Variants in SLC17A5 observed in about 807,000 individuals in gnomAD.
The protein encoded by SLC17A5 is solute carrier family 17 member 5, also known as sialin.
Under a neutral mutation model 59.4 loss-of-function variants are expected in SLC17A5, and 47 were observed. The observed-to-expected ratio is 0.79, with a 90% confidence interval of 0.63 to 1.01. The LOEUF is 1.01. Among genes scored for constraint, SLC17A5 ranks in the 50% least tolerant of loss-of-function variants. The pLI is 0.00. For missense variants in SLC17A5, 522 were observed against 595.5 expected (o/e 0.88, Z 1.28); for synonymous variants, 202 against 210.7 (o/e 0.96, Z 0.36).
chr6:73,637,905 C>T (rs1369088997), intron 4 of SLC17A5, among the ~76,000 whole-genome samples: 2 of 152,064 alleles, frequency 1.3e-5, no homozygotes, highest in Non-Finnish European at 2.9e-5. Context: ...TGTTATCTCA[C>T]CTGTAGATCA....
chr6:73,596,533 CAG>C (rs1316283895), intron 10 of SLC17A5, among the ~76,000 whole-genome samples: 2 of 152,154 alleles, frequency 1.3e-5, no homozygotes, highest in African/African-American at 4.8e-5. Flanking sequence ...TCAGTCTAAC[CAG>C]AGTGGTGACT....
chr6:73,625,440 G>A (rs1768365967), intron 6 of SLC17A5, among the ~76,000 whole-genome samples: 1 of 152,098 alleles, frequency 6.6e-6, no homozygotes, highest in Admixed American at 6.6e-5. Flanking sequence ...GCTAGCCTCG[G>A]TCTCCCAAAG....
intron 2 of SLC17A5, among the ~76,000 whole-genome samples, chr6:73,644,024 C>T (rs528362391): frequency 6.6e-6 from 1 of 152,142 alleles, no homozygotes; most frequent in South Asian, 2.1e-4. Context: ...CTGAGATTAC[C>T]TAAACTCTCT....
chr6:73,641,814 C>A lies in SLC17A5; in HGVS notation c.402G>T (p.Gly134=). The change falls in exon 3 of 11, where the codon GGG becomes GGT. Residue 134 remains glycine, a synonymous_variant. Transcript: ENST00000355773. ...IPGGYVASKI[G]GKMLLGFGIL... The stretch of plus-strand genomic sequence containing the variant: ...TCCCAAATCCTAGCAGCATTTTCCC[C>A]CCTATTTTGCTGGCAACATATCCTC... 1 of 1,614,154 alleles carries A rather than the reference C, an allele frequency of 6.2e-7. No homozygotes were observed. Among genetic ancestry groups the A allele is most frequent in the Non-Finnish European group, 8.5e-7 (1 of 1,180,034 alleles).
In SLC17A5 at chr6:73,615,880, C is replaced by CTTT. The variant is rs71674685; in HGVS notation, c.979-436_979-434dup. ...CATAAACATAGCTTAATGAATCATT[C>CTTT]TTTTTTTTTTTTTTTTTTTTTTTGA... is the stretch of plus-strand genomic sequence containing the variant. On this transcript the variant is annotated intron_variant, in intron 7 of 10. Transcript: ENST00000355773. Among the ~76,000 whole-genome samples the CTTT allele has an allele frequency of 8.2e-3, 796 of 97,476 alleles. 3 individuals carry two copies. The highest frequency in any genetic ancestry group is 0.011 in the Non-Finnish European group (550 of 48,134). 63.9% of individuals were successfully genotyped at this position (97,476 alleles called of 152,430 possible).
intron 7 of SLC17A5, 105 bp downstream of exon 7, chr6:73,621,699 G>C: frequency 1.1e-6 from 1 of 943,124 alleles, no homozygotes. Context: ...GGACAGCAGA[G>C]TAAAATGGAA....
chr6:73,650,507 CAAAAAAAAAAAAAA>C (rs999445559), intron 1 of SLC17A5, among the ~76,000 whole-genome samples: 14 of 35,564 alleles, frequency 3.9e-4, no homozygotes, highest in South Asian at 1.0e-3. Context: ...GACTCCGTCT[CAAAAAAAAAAAAAA>C]AAAAAAAAAA....
At chr6:73,647,838 C>G (rs186386892) in intron 1 of SLC17A5, among the ~76,000 whole-genome samples, 2 of 152,188 alleles carry the variant, frequency 1.3e-5, no homozygotes, top group African/African-American at 4.8e-5. Flanking sequence ...GAGGACGAAG[C>G]GGGTGGATCA....
At chr6:73,623,992 C>T (rs1184283021) in intron 6 of SLC17A5, among the ~76,000 whole-genome samples, 2 of 152,184 alleles carry the variant, frequency 1.3e-5, no homozygotes, top group South Asian at 2.1e-4. Flanking sequence ...CCACCGTACC[C>T]GGCTGAGCTG....
chr6:73,602,956 T>C (rs1278304153), intron 9 of SLC17A5, among the ~76,000 whole-genome samples: 2 of 152,084 alleles, frequency 1.3e-5, no homozygotes, highest in African/African-American at 2.4e-5. Flanking sequence ...TAATTAATTT[T>C]TGAAAATTAA....
At chr6:73,606,284 C>G (rs1767387797) in intron 9 of SLC17A5, among the ~76,000 whole-genome samples, 1 of 152,048 alleles carries the variant, frequency 6.6e-6, no homozygotes, top group Non-Finnish European at 1.5e-5. Context: ...CTCAAACGAT[C>G]CAACCGCCTC....
intron 1 of SLC17A5, among the ~76,000 whole-genome samples, chr6:73,651,670 A>G (rs1017247630): frequency 5.3e-5 from 8 of 150,932 alleles, no homozygotes; most frequent in Admixed American, 1.3e-4. Context: ...AGCCTCCCGA[A>G]TAGCTGGGAC....
chr6:73,614,818 C>T (rs78429361), intron 8 of SLC17A5, among the ~76,000 whole-genome samples: 210 of 152,306 alleles, frequency 1.4e-3, no homozygotes, highest in African/African-American at 4.9e-3. Context: ...CCCTATGCAG[C>T]TTTTCCATCT....
At position 73,651,611 on chromosome 6, in the gene SLC17A5, C is replaced by T. The variant is rs899019941; in HGVS notation, c.94+2182G>A. ...AGGCTGGAGTGCAGGGGCGTGATCTCGGCTCACTGCAAGCTCCGCCTCCCA... is the reference window on the plus strand; with the variant it reads ...AGGCTGGAGTGCAGGGGCGTGATCTTGGCTCACTGCAAGCTCCGCCTCCCA... On this transcript the variant is annotated intron_variant, in intron 1 of 10. Coordinates refer to ENST00000355773, the MANE Select transcript of SLC17A5 (RefSeq NM_012434.5). Among the ~76,000 whole-genome samples the T allele has an allele frequency of 1.6e-4, 25 of 151,532 alleles. 1 individual carries two copies. The highest frequency in any genetic ancestry group is 5.8e-4 in the African/African-American group (24 of 41,338).
In SLC17A5 at chr6:73,595,183, T is replaced by C; in HGVS notation, c.1382A>G (p.Tyr461Cys). The C allele has an allele frequency of 6.2e-7, 1 of 1,614,108 alleles. No individual in the cohort carries two copies. The highest frequency in any genetic ancestry group is 8.5e-7 in the Non-Finnish European group (1 of 1,180,012). Residue 461 changes from tyrosine (Y) to cysteine (C), a missense_variant, in exon 11 of 11, where the codon TAT becomes TGT. By Grantham distance (194) the Tyr-to-Cys change is radical (BLOSUM62 -2). Transcript: ENST00000355773. The stretch of plus-strand genomic sequence containing the variant: ...AAAAACATTAATAGCAGCAGCAATA[T>C]AGAACACGGTTTGCCATTCTCCAAC... ...NTVGEWQTVF[Y>C]IAAAINVFGA...
At chr6:73,619,184 G>GC (rs1165641863) in intron 7 of SLC17A5, among the ~76,000 whole-genome samples, 2 of 152,214 alleles carry the variant, frequency 1.3e-5, no homozygotes, top group African/African-American at 4.8e-5. Flanking sequence ...GGATTATGGT[G>GC]CCCCCCAACA....
At chr6:73,599,706 G>A (rs1766969458) in intron 10 of SLC17A5, among the ~76,000 whole-genome samples, 1 of 152,196 alleles carries the variant, frequency 6.6e-6, no homozygotes, top group African/African-American at 2.4e-5. Flanking sequence ...AATTAGAAAT[G>A]GTAGATGTGG....
chr6:73,600,186 C>A (rs557050590), intron 10 of SLC17A5, among the ~76,000 whole-genome samples, 165 bp downstream of exon 10: 1 of 152,290 alleles, frequency 6.6e-6, no homozygotes, highest in East Asian at 1.9e-4. Context: ...AAAAACTGTT[C>A]TTTGAAAATA....
intron 9 of SLC17A5, among the ~76,000 whole-genome samples, chr6:73,603,998 T>C (rs776366792): frequency 2.0e-5 from 3 of 152,092 alleles, no homozygotes; most frequent in Non-Finnish European, 2.9e-5. Flanking sequence ...AATTCAGTTA[T>C]GTATAAAGAT....
Sources: allele counts gnomAD v4.1 joint callset (sites outside exome capture counted in the v4.1 genomes callset), GRCh38; gene constraint gnomAD v4.1.1; transcripts MANE v1.5; gene names NCBI Gene and HGNC (gene_info 2026-07-23, HGNC 2026-07-21).